ASTN2: variants seen among roughly 807,000 people sequenced by gnomAD.
ASTN2 encodes astrotactin-2.
Under a neutral mutation model 139.8 loss-of-function variants are expected in ASTN2, and 54 were observed. The observed-to-expected ratio is 0.39, with a 90% CI of 0.31 to 0.48. The LOEUF is 0.48. Ranked by LOEUF, ASTN2 falls within the 20% of genes least tolerant of loss-of-function variation. ASTN2 has a pLI of 0.95. For missense variants in ASTN2, 1,565 were observed against 1,725.1 expected, an observed-to-expected ratio of 0.91 and a Z score of 1.64; for synonymous variants, 756 against 719.5, an observed-to-expected ratio of 1.05 and a Z score of -0.81.
intron 10 of ASTN2, among the ~76,000 whole-genome samples, chr9:116,923,162 TAACC>T (rs1285483636): frequency 6.6e-6 from 1 of 152,204 alleles, no homozygotes; most frequent in African/African-American, 2.4e-5. Flanking sequence ...AGTACAATTC[TAACC>T]AAAATTTTAT....
At chr9:116,696,027 C>G (rs1425658869) in intron 16 of ASTN2, among the ~76,000 whole-genome samples, 1 of 152,122 alleles carries the variant, frequency 6.6e-6, no homozygotes, top group Admixed American at 6.6e-5. Context: ...CTTTCCATTT[C>G]CACCACCTGC....
intron 13 of ASTN2, among the ~76,000 whole-genome samples, chr9:116,791,029 A>C (rs934803503): frequency 8.3e-6 from 1 of 120,316 alleles, no homozygotes; most frequent in African/African-American, 3.0e-5. Context: ...GAAAGAAAGA[A>C]AGAAAGAAAG....
At chr9:117,098,982 C>T (rs1434140257) in intron 4 of ASTN2, among the ~76,000 whole-genome samples, 3 of 151,648 alleles carry the variant, frequency 2.0e-5, no homozygotes, top group African/African-American at 2.4e-5. Context: ...GCAGCATGTA[C>T]GTGTAATCCC....
intron 18 of ASTN2, 46 bp from the exon 19 acceptor site, chr9:116,618,518 GC>G (rs1855966223): frequency 1.3e-6 from 2 of 1,569,124 alleles, no homozygotes; most frequent in Admixed American, 3.9e-5. Context: ...GCCAGCACCA[GC>G]TGGGGCCCAA....
At chr9:116,845,888 C>CT in intron 11 of ASTN2, among the ~76,000 whole-genome samples, 1 of 152,220 alleles carries the variant, frequency 6.6e-6, no homozygotes, top group East Asian at 1.9e-4. Flanking sequence ...TCCAAAAGCC[C>CT]TGAAAATAAA....
chr9:116,778,190 A>C (rs1433018816), intron 13 of ASTN2, among the ~76,000 whole-genome samples: 1 of 80,268 alleles, frequency 1.2e-5, no homozygotes, highest in East Asian at 2.7e-4. Flanking sequence ...ATGTTACCAC[A>C]CCCAAGAAGC....
chr9:116,800,405 C>T (rs150818999), intron 13 of ASTN2, among the ~76,000 whole-genome samples: 1 of 152,298 alleles, frequency 6.6e-6, no homozygotes, highest in African/African-American at 2.4e-5. Flanking sequence ...GTGCACCATG[C>T]TTAATTTTTG....
chr9:117,003,950 G>A (rs868399966), intron 7 of ASTN2, among the ~76,000 whole-genome samples: 2,423 of 143,272 alleles, frequency 0.017, 52 homozygotes, highest in African/African-American at 0.051. Context: ...ACGCGCGCGC[G>A]CGCGTGTGTG....
intron 2 of ASTN2, among the ~76,000 whole-genome samples, chr9:117,234,977 T>A (rs1291288495): frequency 6.6e-6 from 1 of 152,210 alleles, no homozygotes; most frequent in Non-Finnish European, 1.5e-5. Flanking sequence ...CTCACGCCTG[T>A]AATCCCAGCA....
At chr9:116,525,032 T>C (rs1205099010) in intron 19 of ASTN2, among the ~76,000 whole-genome samples, 1 of 152,138 alleles carries the variant, frequency 6.6e-6, no homozygotes, top group Non-Finnish European at 1.5e-5. Context: ...TGTGGAAAAG[T>C]TTGAAACTTC....
At chr9:116,492,396 T>C (rs1384534674) in intron 19 of ASTN2, among the ~76,000 whole-genome samples, 2 of 152,194 alleles carry the variant, frequency 1.3e-5, no homozygotes, top group Non-Finnish European at 2.9e-5. Flanking sequence ...TTTCTTATTC[T>C]TGTTTTCAAC....
Position 117,291,450 on chromosome 9 carries a change from C to T in ASTN2, c.506G>A (p.Gly169Asp), listed in dbSNP as rs961311735. ...VHWRQQWLENGTLYFHVSMSS... is the reference protein window; with the variant it reads ...VHWRQQWLENDTLYFHVSMSS... ...CATGGAGACGTGGAAGTACAAGGTGCCATTCTCCAGCCACTGCTGTCTCCA... is the reference window on the plus strand; with the variant it reads ...CATGGAGACGTGGAAGTACAAGGTGTCATTCTCCAGCCACTGCTGTCTCCA... Residue 169 changes from glycine (G) to aspartate (D), a missense_variant, in exon 2 of 23, where the codon GGC (glycine) becomes GAC (aspartate). By Grantham distance (94) the Gly-to-Asp change is moderately conservative (BLOSUM62 -1). Transcript: ENST00000313400. The T allele has an allele frequency of 6.2e-7, 1 of 1,614,078 alleles. No individual in the cohort carries two copies. The highest frequency in any genetic ancestry group is 8.5e-7 in the Non-Finnish European group (1 of 1,179,962).
intron 16 of ASTN2, among the ~76,000 whole-genome samples, chr9:116,661,097 C>A (rs997192756): frequency 1.3e-5 from 2 of 152,134 alleles, no homozygotes; most frequent in Non-Finnish European, 2.9e-5. Context: ...CCCCTGGACA[C>A]TGCCCAGTAG....
chr9:116,532,243 TG>T (rs1200085780), intron 19 of ASTN2, among the ~76,000 whole-genome samples: 5 of 152,230 alleles, frequency 3.3e-5, no homozygotes, highest in African/African-American at 4.8e-5. Flanking sequence ...TTGAGTTCTT[TG>T]TAGATTCTGG....
intron 2 of ASTN2, among the ~76,000 whole-genome samples, chr9:117,228,430 C>T (rs1019840597): frequency 2.0e-5 from 3 of 152,090 alleles, no homozygotes; most frequent in African/African-American, 7.2e-5. Flanking sequence ...AGCATTGATG[C>T]TGTAGCTGCC....
intron 22 of ASTN2, among the ~76,000 whole-genome samples, chr9:116,432,484 T>C (rs1394654772): frequency 6.6e-6 from 1 of 152,228 alleles, no homozygotes; most frequent in Non-Finnish European, 1.5e-5. Context: ...TCCACAATTC[T>C]CTGTTGCCTA....
chr9:117,270,955 T>C (rs539302196), intron 2 of ASTN2, among the ~76,000 whole-genome samples: 22 of 152,306 alleles, frequency 1.4e-4, no homozygotes, highest in African/African-American at 5.3e-4. Flanking sequence ...GATCTTCTCT[T>C]CAAAGCTTCT....
At chr9:117,289,728 A>G (rs1834540150) in intron 2 of ASTN2, among the ~76,000 whole-genome samples, 1 of 152,122 alleles carries the variant, frequency 6.6e-6, no homozygotes, top group Admixed American at 6.5e-5. Context: ...GTGCTTATAA[A>G]TTTGCACCCC....
At chr9:116,666,443 A>G (rs550107729) in intron 16 of ASTN2, among the ~76,000 whole-genome samples, 8 of 152,220 alleles carry the variant, frequency 5.3e-5, no homozygotes, top group East Asian at 1.9e-4. Flanking sequence ...TGACTTTGAC[A>G]TAATGAAACT....
Sources: gnomAD v4.1 joint callset for allele counts (sites outside exome capture counted in the v4.1 genomes callset) on GRCh38, gnomAD v4.1.1 for gene constraint, MANE v1.5 for transcripts, NCBI Gene and HGNC (gene_info 2026-07-23, HGNC 2026-07-21) for gene names.